Variants in ASB7 observed in about 807,000 individuals in gnomAD.
ASB7 encodes ankyrin repeat and SOCS box containing 7, also known as ankyrin repeat and SOCS box protein 7.
Under a neutral mutation model 32.5 loss-of-function variants are expected in ASB7, and 4 were observed. The ratio of observed to expected loss-of-function variants is 0.12; its 90% CI spans 0.06 to 0.28. The LOEUF (loss-of-function observed/expected upper bound fraction) is 0.28, where lower values mean the gene tolerates loss of function less well. Among genes scored for constraint, ASB7 ranks in the 10% least tolerant of loss-of-function variants. The pLI is 1.00. For missense variants in ASB7, 181 were observed against 407.1 expected, an observed-to-expected ratio of 0.44 and a Z score of 4.78; for synonymous variants, 172 against 155.6, an observed-to-expected ratio of 1.11 and a Z score of -0.78.
At chr15:100,611,864 G>A (rs1236188156) in intron 3 of ASB7, among the ~76,000 whole-genome samples, 1 of 149,302 alleles carries the variant, frequency 6.7e-6, no homozygotes, top group African/African-American at 2.5e-5. Flanking sequence ...CTGTGGTCCA[G>A]GCTGGAGTGC....
At chr15:100,621,634 A>G (rs34464657) in intron 4 of ASB7, among the ~76,000 whole-genome samples, 43,127 of 152,090 alleles carry the variant, frequency 0.28, 7,302 homozygotes, top group South Asian at 0.42. Flanking sequence ...TAAAGATGAA[A>G]TATATGACAG....
chr15:100,620,483 G>C (rs2039781418), intron 4 of ASB7, among the ~76,000 whole-genome samples: 1 of 152,090 alleles, frequency 6.6e-6, no homozygotes, highest in South Asian at 2.1e-4. Context: ...TTTTACTGTG[G>C]TCCGAAAATA....
Position 100,644,453 on chromosome 15 carries a change from G to A in ASB7, c.818-3870G>A, listed in dbSNP as rs574549227. ...AGTGTTGAAAAATAATTCAAAACAG[G>A]CTTGGAAATGATTTGCTGTTGACCT... On this transcript the variant is annotated intron_variant, in intron 5 of 5. Transcript: ENST00000332783. Among the ~76,000 whole-genome samples, 4 of 152,236 alleles carry A rather than the reference G, an allele frequency of 2.6e-5. No individual in the cohort carries two copies. In the South Asian group the frequency reaches 8.3e-4, roughly 32 times the overall value.
At chr15:100,617,279 C>G (rs2039751740) in intron 4 of ASB7, among the ~76,000 whole-genome samples, 1 of 152,210 alleles carries the variant, frequency 6.6e-6, no homozygotes. Context: ...TTTTAAAAAT[C>G]CATAATTGGT....
At chr15:100,648,267 G>A in intron 5 of ASB7, 56 bp from the exon 6 acceptor site, 5 of 1,502,374 alleles carry the variant, frequency 3.3e-6, no homozygotes, top group Non-Finnish European at 4.5e-6. Context: ...TTTCAAAAGT[G>A]CCTTAAATAT....
In ASB7 at chr15:100,602,875, C is replaced by T. The variant is rs1412477975; in HGVS notation, c.-444C>T. The T allele has an allele frequency of 1.8e-5, 7 of 396,828 alleles. No individual in the cohort carries two copies. The highest frequency in any genetic ancestry group is 2.7e-5 in the Non-Finnish European group (6 of 225,302). The allele number at this position is 396,828 out of a possible 1,614,324, so 24.6% of individuals were successfully genotyped here. A position where few individuals can be genotyped will look rare whatever the true frequency, so the allele number is the denominator to read the frequency against. ...CAAGGCTGCCCGGCGGCCGGGATCG[C>T]CACCTCCTGCCTTCTCGGCTGTTCG... On this transcript the variant is annotated 5_prime_UTR_variant, in exon 1 of 6. Coordinates refer to ENST00000332783, the MANE Select transcript of ASB7 (RefSeq NM_198243.3).
intron 5 of ASB7, among the ~76,000 whole-genome samples, chr15:100,632,912 T>G (rs971536576): frequency 1.3e-5 from 2 of 150,596 alleles, no homozygotes; most frequent in Non-Finnish European, 3.0e-5. Flanking sequence ...TAACATCTGC[T>G]TGTGACTTGT....
rs544252803 is a variant in ASB7 at position 100,618,129 on chromosome 15, T to A, written c.211+5702T>A. On this transcript the variant is annotated intron_variant, in intron 4 of 5. Transcript: ENST00000332783. ...TTCTTTTCTTTTTTATTTATTTATT[T>A]ATTTTGAGATGGAGTCTTGCTCTGT... 7.6e-4 allele frequency among the ~76,000 whole-genome samples: 116 copies of A among 152,266 alleles called. 1 individual carries two copies. The highest frequency in any genetic ancestry group is 2.6e-3 in the African/African-American group (107 of 41,550).
intron 5 of ASB7, among the ~76,000 whole-genome samples, chr15:100,633,427 A>T (rs1299510059): frequency 6.6e-6 from 1 of 152,070 alleles, no homozygotes; most frequent in Non-Finnish European, 1.5e-5. Flanking sequence ...AAATACAAAA[A>T]TTAGCCGGGC....
In ASB7 at chr15:100,607,861, C is replaced by T. The variant is rs1156547320; in HGVS notation, c.-173-1846C>T. Among the ~76,000 whole-genome samples, 3 of 152,112 alleles carry T rather than the reference C, an allele frequency of 2.0e-5. No individual in the cohort carries two copies. The East Asian group carries it at 5.8e-4, about 29-fold the overall frequency. On this transcript the variant is annotated intron_variant, in intron 2 of 5. Coordinates refer to ENST00000332783, the MANE Select transcript of ASB7 (RefSeq NM_198243.3). ...TTCTTGTTGGGAGAAATAGTTTGGC[C>T]ACTTCATCTTTTACCACCAGGCCTT...
intron 3 of ASB7, among the ~76,000 whole-genome samples, chr15:100,611,484 C>CTTTTTTTTTTTTTTTT (rs61153969): frequency 0.012 from 962 of 77,020 alleles, 230 homozygotes; most frequent in African/African-American, 0.037. Flanking sequence ...TGTTTCGATT[C>CTTTTTTTTTTTTTTTT]TTTTTTTTTT....
chr15:100,641,215 C>T (rs2141406486), intron 5 of ASB7, among the ~76,000 whole-genome samples: 1 of 152,196 alleles, frequency 6.6e-6, no homozygotes. Flanking sequence ...CCTTCTCTTC[C>T]CTTGGCCCTT....
At chr15:100,627,600 A>G (rs950977303) in intron 4 of ASB7, among the ~76,000 whole-genome samples, 3 of 152,246 alleles carry the variant, frequency 2.0e-5, no homozygotes, top group Non-Finnish European at 4.4e-5. Context: ...CAAAATGTAC[A>G]TAGAACCTGA....
chr15:100,649,069 G>A lies in ASB7; in HGVS notation c.*607G>A, dbSNP rs1346423927. ...CCAGTACCTCTGCTTTTCTTTTGCT[G>A]TGCTCTTGTTTTTAACTTATTTTTT... On this transcript the variant is annotated 3_prime_UTR_variant, in exon 6 of 6. Transcript: ENST00000332783. The A allele has an allele frequency of 6.6e-6, 1 of 152,342 alleles. No individual in the cohort carries two copies. The highest frequency in any genetic ancestry group is 2.4e-5 in the African/African-American group (1 of 41,340). 9.4% of individuals were successfully genotyped at this position (152,342 alleles called of 1,614,324 possible).
intron 4 of ASB7, among the ~76,000 whole-genome samples, chr15:100,627,889 T>A (rs971343824): frequency 6.6e-6 from 1 of 152,206 alleles, no homozygotes; most frequent in African/African-American, 2.4e-5. Context: ...GACTTTGAAC[T>A]TCTGGTAAGC....
At chr15:100,644,050 C>G (rs975384997) in intron 5 of ASB7, among the ~76,000 whole-genome samples, 2 of 151,796 alleles carry the variant, frequency 1.3e-5, no homozygotes, top group African/African-American at 4.8e-5. Context: ...GAGTTTGAGA[C>G]CAGCCTGACC....
In ASB7 at chr15:100,650,388, TG is replaced by T. The variant is rs999420350; in HGVS notation, c.*1928del. 2 of 152,220 alleles carry T rather than the reference TG, an allele frequency of 1.3e-5. No homozygotes were observed. Among genetic ancestry groups the T allele is most frequent in the Non-Finnish European group, 2.9e-5 (2 of 68,056 alleles). The allele number at this position is 152,220 out of a possible 1,614,324, so 9.4% of individuals were successfully genotyped here. On this transcript the variant is annotated 3_prime_UTR_variant, in exon 6 of 6. Transcript: ENST00000332783. ...GTTCACACTAGCACTGTTAGGGACA[TG>T]GTGTGGCTAGAAATGAATTGAGTGT...
At chr15:100,641,299 G>T (rs1217356940) in intron 5 of ASB7, among the ~76,000 whole-genome samples, 1 of 151,998 alleles carries the variant, frequency 6.6e-6, no homozygotes, top group East Asian at 1.9e-4. Context: ...TAGGCGATCT[G>T]TTGACAAAAA....
chr15:100,605,945 G>A (rs74039447), intron 2 of ASB7, among the ~76,000 whole-genome samples: 33 of 152,306 alleles, frequency 2.2e-4, no homozygotes, highest in African/African-American at 7.9e-4. Context: ...TATGTTATAT[G>A]GAGGCCCAGT....
Sources: allele counts gnomAD v4.1 joint callset (sites outside exome capture counted in the v4.1 genomes callset), GRCh38; gene constraint gnomAD v4.1.1; transcripts MANE v1.5; gene names NCBI Gene and HGNC (gene_info 2026-07-23, HGNC 2026-07-21).